The following CAST variants were observed in gnomAD, a reference collection of about 807,000 sequenced individuals.
The protein encoded by CAST is MIR583 host.
In CAST, 76 loss-of-function variants were observed where a neutral mutation model predicts 119.6. The ratio of observed to expected loss-of-function variants is 0.64; its 90% CI spans 0.53 to 0.77. The LOEUF (loss-of-function observed/expected upper bound fraction) is 0.77, where lower values mean the gene tolerates loss of function less well. CAST is among the 30% of genes least tolerant of loss of function. The pLI is 0.00. For missense variants in CAST, 953 were observed against 946.5 expected (o/e 1.01, Z -0.09); for synonymous variants, 319 against 331.6 (o/e 0.96, Z 0.41).
At chr5:96,757,033 A>G (rs1447246074) in intron 22 of CAST, among the ~76,000 whole-genome samples, 1 of 152,216 alleles carries the variant, frequency 6.6e-6, no homozygotes, top group Admixed American at 6.5e-5. Flanking sequence ...TGTGTGGCTT[A>G]CAAGGTTAAC....
Position 96,662,460 on chromosome 5 carries a change from G to T in CAST, c.38G>T (p.Arg13Leu), listed in dbSNP as rs921224034. 7.0e-7 allele frequency: 1 copy of T among 1,435,650 alleles called. No homozygotes were observed. The highest frequency in any genetic ancestry group is 2.6e-5 in the Admixed American group (1 of 38,112). The allele number at this position is 1,435,650 out of a possible 1,614,324, so 88.9% of individuals were successfully genotyped here. ...GGCCAGAAGCCCGCCGCCTCCCCGCGGCCCCGGCGAGCAGCCGCCGCCCGC... is the reference window on the plus strand; with the variant it reads ...GGCCAGAAGCCCGCCGCCTCCCCGCTGCCCCGGCGAGCAGCCGCCGCCCGC... ...QPGQKPAASPRPRRAAAARRT... is the reference protein window; with the variant it reads ...QPGQKPAASPLPRRAAAARRT... The change falls in exon 1 of 32, where the codon CGG becomes CTG. Residue 13 changes from arginine (R) to leucine (L), a missense_variant. Arg to Leu is a moderately radical substitution (Grantham distance 102, BLOSUM62 -2). Transcript: ENST00000675179.
intron 6 of CAST, 45 bp downstream of exon 6, chr5:96,727,575 A>G (rs113032780): frequency 2.5e-6 from 3 of 1,198,370 alleles, no homozygotes; most frequent in African/African-American, 3.1e-5. Flanking sequence ...ATTCTTTTTA[A>G]TAATAATGAA....
the CAST span, among the ~76,000 whole-genome samples, chr5:95,997,466 A>C: frequency 7.1e-6 from 1 of 141,030 alleles, no homozygotes; most frequent in African/African-American, 2.8e-5. Context: ...TGAAAGCTCA[A>C]TTATTTCTCC....
the CAST span, among the ~76,000 whole-genome samples, chr5:96,276,650 G>A: frequency 6.6e-6 from 1 of 152,212 alleles, no homozygotes. Context: ...CAGAAAATAA[G>A]TGTAACAGAT....
At chr5:96,406,242 T>C in the CAST span, among the ~76,000 whole-genome samples, 327 of 152,250 alleles carry the variant, frequency 2.1e-3, 2 homozygotes, top group African/African-American at 7.5e-3. Context: ...ACATAGCTAG[T>C]GGTAGAGCTA....
chr5:96,731,632 C>T (rs1274069061), intron 9 of CAST, among the ~76,000 whole-genome samples: 3 of 151,206 alleles, frequency 2.0e-5, no homozygotes, highest in African/African-American at 7.3e-5. Flanking sequence ...AGGTATATCT[C>T]CCAATGCTAT....
At chr5:96,053,525 C>A in the CAST span, among the ~76,000 whole-genome samples, 1 of 152,274 alleles carries the variant, frequency 6.6e-6, no homozygotes, top group Non-Finnish European at 1.5e-5. Context: ...GACTGCATTA[C>A]TAAATTCAGG....
At chr5:95,975,626 A>G in the CAST span, among the ~76,000 whole-genome samples, 24 of 152,210 alleles carry the variant, frequency 1.6e-4, no homozygotes, top group Non-Finnish European at 2.8e-4. Context: ...GGCAATAACT[A>G]GTTTAGATTC....
chr5:96,477,809 G>A, the CAST span, among the ~76,000 whole-genome samples: 47 of 152,316 alleles, frequency 3.1e-4, no homozygotes, highest in South Asian at 9.5e-3. Flanking sequence ...AAGGGAATGA[G>A]AGAGGATCAG....
the CAST span, among the ~76,000 whole-genome samples, chr5:96,038,536 C>T: frequency 2.0e-5 from 3 of 146,596 alleles, no homozygotes; most frequent in East Asian, 2.0e-4. Flanking sequence ...CCCCACCCCC[C>T]GCAGGCCCTG....
At chr5:96,103,598 C>T in the CAST span, among the ~76,000 whole-genome samples, 1 of 151,356 alleles carries the variant, frequency 6.6e-6, no homozygotes, top group Non-Finnish European at 1.5e-5. Flanking sequence ...TCCAGTCTAT[C>T]ATTGTTGGAC....
the CAST span, among the ~76,000 whole-genome samples, chr5:95,976,489 G>A: frequency 6.6e-6 from 1 of 152,024 alleles, no homozygotes; most frequent in African/African-American, 2.4e-5. Flanking sequence ...CATGTATATA[G>A]CTGGCTTTTG....
intron 1 of CAST, among the ~76,000 whole-genome samples, chr5:96,556,100 G>C (rs544485135): frequency 3.3e-5 from 5 of 152,146 alleles, no homozygotes; most frequent in African/African-American, 1.2e-4. Context: ...AGGCAAACAG[G>C]GTCTGGAGTG....
the CAST span, among the ~76,000 whole-genome samples, chr5:96,329,259 G>A: frequency 6.6e-6 from 1 of 152,186 alleles, no homozygotes; most frequent in Non-Finnish European, 1.5e-5. Flanking sequence ...GTGTGATAAC[G>A]TGTGCTTTTA....
intron 1 of CAST, among the ~76,000 whole-genome samples, chr5:96,561,041 T>C (rs1236910513): frequency 2.0e-5 from 3 of 152,206 alleles, no homozygotes; most frequent in African/African-American, 7.2e-5. Flanking sequence ...GATGAGTTCA[T>C]GTCCTTTGTA....
chr5:96,630,154 G>A (rs994745165), intron 1 of CAST, among the ~76,000 whole-genome samples: 37 of 152,276 alleles, frequency 2.4e-4, no homozygotes, highest in African/African-American at 8.2e-4. Flanking sequence ...TCTGTCTTCC[G>A]AGCTTACAGT....
intron 1 of CAST, among the ~76,000 whole-genome samples, chr5:96,537,108 GGCT>G (rs1745830561): frequency 6.6e-6 from 1 of 152,200 alleles, no homozygotes; most frequent in African/African-American, 2.4e-5. Flanking sequence ...TCAATACAGT[GGCT>G]GGAATATTTG....
the CAST span, among the ~76,000 whole-genome samples, chr5:96,249,739 C>A: frequency 6.6e-6 from 1 of 152,194 alleles, no homozygotes; most frequent in South Asian, 2.1e-4. Flanking sequence ...TTCACTCTAT[C>A]AAACAGAAAT....
the CAST span, among the ~76,000 whole-genome samples, chr5:95,990,800 G>A: frequency 6.6e-6 from 1 of 152,004 alleles, no homozygotes; most frequent in African/African-American, 2.4e-5. Flanking sequence ...ATGCAGTGGT[G>A]TGATCATAGC....
Sources: gnomAD v4.1 joint callset for allele counts (sites outside exome capture counted in the v4.1 genomes callset) on GRCh38, gnomAD v4.1.1 for gene constraint, MANE v1.5 for transcripts, NCBI Gene and HGNC (gene_info 2026-07-23, HGNC 2026-07-21) for gene names.